The following MYL12A variants were observed in gnomAD, a reference collection of about 807,000 sequenced individuals.
MYL12A encodes myosin regulatory light chain 12A.
Under a neutral mutation model 13.3 loss-of-function variants are expected in MYL12A, and 11 were observed. The observed-to-expected ratio is 0.83, with a 90% CI of 0.52 to 1.37. MYL12A has a LOEUF of 1.37. Ranked by LOEUF, MYL12A falls within the 40% of genes most tolerant of loss-of-function variation. The pLI is 0.00. For synonymous variants in MYL12A, 51 were observed against 69.9 expected, an observed-to-expected ratio of 0.73 and a Z score of 1.35; for missense variants, 146 against 212.3, an observed-to-expected ratio of 0.69 and a Z score of 1.94.
chr18:3,254,528 C>T (rs1357444719), intron 3 of MYL12A, among the ~76,000 whole-genome samples: 3 of 152,226 alleles, frequency 2.0e-5, no homozygotes, highest in Non-Finnish European at 1.5e-5. Flanking sequence ...AATTCCTCTT[C>T]CACATAATAG....
rs1220174812 is a variant in MYL12A at position 3,255,766 on chromosome 18, T to C, written c.364T>C (p.Leu122=). 3 of 1,613,724 alleles carry C rather than the reference T, an allele frequency of 1.9e-6. No homozygotes were observed. Among genetic ancestry groups the C allele is most frequent in the African/African-American group, 1.3e-5 (1 of 74,902 alleles). The change falls in exon 4 of 4, where the codon TTG becomes CTG. Residue 122 remains leucine (L), a synonymous_variant. Coordinates refer to ENST00000217652, the MANE Select transcript of MYL12A (RefSeq NM_006471.4). The part of the protein sequence containing the change: ...EATGTIQEDY[L]RELLTTMGDR... ...TCCAGGCACCATACAGGAAGATTAC[T>C]TGAGAGAGCTGCTGACAACCATGGG...
chr18:3,255,793 G>A lies in MYL12A; in HGVS notation c.391G>A (p.Asp131Asn). The change falls in exon 4 of 4, where the codon GAT (aspartate) becomes AAT (asparagine). Residue 131 changes from aspartate (D) to asparagine (N), a missense_variant. Coordinates refer to ENST00000217652, the MANE Select transcript of MYL12A (RefSeq NM_006471.4). ...GAGAGAGCTGCTGACAACCATGGGG[G>A]ATCGGTTTACAGATGAGGAAGTGGA... Reference protein sequence around the residue: ...YLRELLTTMGDRFTDEEVDEL... With the variant: ...YLRELLTTMGNRFTDEEVDEL... 1 of 1,614,030 alleles carries A rather than the reference G, an allele frequency of 6.2e-7. No homozygotes were observed. The highest frequency in any genetic ancestry group is 8.5e-7 in the Non-Finnish European group (1 of 1,179,982).
chr18:3,249,036 G>GT (rs1434045714), intron 1 of MYL12A, among the ~76,000 whole-genome samples: 1 of 152,104 alleles, frequency 6.6e-6, no homozygotes, highest in Non-Finnish European at 1.5e-5. Context: ...TAAGATGGTG[G>GT]TTTTTTCTTG....
intron 3 of MYL12A, 92 bp downstream of exon 3, chr18:3,254,142 C>T: frequency 7.2e-7 from 1 of 1,390,404 alleles, no homozygotes; most frequent in Non-Finnish European, 9.9e-7. Flanking sequence ...ATAACGCTCT[C>T]AGGTTTGTAC....
intron 1 of MYL12A, chr18:3,248,621 T>C (rs905504748): frequency 2.0e-5 from 3 of 152,246 alleles, no homozygotes; most frequent in Admixed American, 6.5e-5. Flanking sequence ...TAAAGGCGAA[T>C]AAAGCGAATA....
intron 1 of MYL12A, among the ~76,000 whole-genome samples, chr18:3,250,374 A>C (rs1030819919): frequency 1.3e-5 from 2 of 151,662 alleles, no homozygotes; most frequent in African/African-American, 4.8e-5. Context: ...AGAATCAGCA[A>C]AGAGGACCCT....
At chr18:3,253,171 A>G in intron 1 of MYL12A, 62 bp from the exon 2 acceptor site, 1 of 1,510,974 alleles carries the variant, frequency 6.6e-7, no homozygotes, top group South Asian at 1.3e-5. Context: ...CATTGTTTTG[A>G]TTCAAACTTA....
chr18:3,253,178 C>T (rs2144329277), intron 1 of MYL12A, 55 bp from the exon 2 acceptor site: 6 of 1,524,724 alleles, frequency 3.9e-6, no homozygotes, highest in Admixed American at 2.0e-5. Flanking sequence ...TTGATTCAAA[C>T]TTAAGTAATC....
intron 2 of MYL12A, 126 bp downstream of exon 2, chr18:3,253,554 G>T: frequency 1.6e-6 from 2 of 1,214,398 alleles, no homozygotes; most frequent in Non-Finnish European, 2.3e-6. Flanking sequence ...AGTAAAGTGT[G>T]GAACAGTGTT....
chr18:3,253,717 C>A, intron 2 of MYL12A, 172 bp from the exon 3 acceptor site: 1 of 755,052 alleles, frequency 1.3e-6, no homozygotes, highest in South Asian at 2.0e-5. Flanking sequence ...TTTCCAGACT[C>A]TTTAATAGGC....
In MYL12A at chr18:3,255,855, G is replaced by A. The variant is rs1255036925; in HGVS notation, c.453G>A (p.Gly151=). The A allele has an allele frequency of 1.9e-6, 3 of 1,614,014 alleles. No homozygotes were observed. The highest frequency in any genetic ancestry group is 2.5e-6 in the Non-Finnish European group (3 of 1,180,012). ...LYREAPIDKK[G]NFNYIEFTRI... The stretch of plus-strand genomic sequence containing the variant: ...GAGAAGCACCTATTGATAAAAAGGG[G>A]AATTTCAATTACATCGAGTTCACAC... Residue 151 remains glycine (G), a synonymous_variant, in exon 4 of 4, where the codon GGG becomes GGA. Transcript: ENST00000217652.
chr18:3,255,980 C>A lies in MYL12A; in HGVS notation c.*62C>A. The A allele has an allele frequency of 6.4e-7, 1 of 1,570,696 alleles. No homozygotes were observed. Among genetic ancestry groups the A allele is most frequent in the East Asian group, 2.3e-5 (1 of 42,894 alleles). Reference sequence around the variant, plus strand: ...CACTTTGGGTATTCTGAGATTTTCTCTTGCATGCCCTTAGCTTTACAGCTT... The same window carrying A: ...CACTTTGGGTATTCTGAGATTTTCTATTGCATGCCCTTAGCTTTACAGCTT... On this transcript the variant is annotated 3_prime_UTR_variant, in exon 4 of 4. Transcript: ENST00000217652.
Position 3,254,158 on chromosome 18 carries a change from C to T in MYL12A, c.343+108C>T, listed in dbSNP as rs145499570. 5.4e-5 allele frequency: 69 copies of T among 1,273,464 alleles called. No homozygotes were observed. The East Asian group carries it at 1.8e-3, about 33-fold the overall frequency. 78.9% of individuals were successfully genotyped at this position (1,273,464 alleles called of 1,614,324 possible). ...TAACGCTCTCAGGTTTGTACTACAC[C>T]TATTTTTTTAGACAGAGTTCTCTTG... On this transcript the variant is annotated intron_variant, in intron 3 of 3. Transcript: ENST00000217652.
At chr18:3,254,082 G>C (rs374896090) in intron 3 of MYL12A, 32 bp downstream of exon 3, 36 of 1,596,362 alleles carry the variant, frequency 2.3e-5, no homozygotes, top group Non-Finnish European at 2.3e-5. Context: ...ATTATAAAGT[G>C]ATTTAATTTT....
At chr18:3,248,938 A>C (rs1465858574) in intron 1 of MYL12A, among the ~76,000 whole-genome samples, 1 of 151,570 alleles carries the variant, frequency 6.6e-6, no homozygotes, top group Admixed American at 6.6e-5. Context: ...TTTTTTTTTA[A>C]GTGCATTGAT....
chr18:3,252,135 C>G (rs2081492033), intron 1 of MYL12A: 2 of 477,804 alleles, frequency 4.2e-6, no homozygotes, highest in South Asian at 9.2e-5. Context: ...AGACCAATGG[C>G]ATAGTGTTTT....
chr18:3,255,544 G>A (rs2081527932), intron 3 of MYL12A: 7 of 520,480 alleles, frequency 1.3e-5, no homozygotes, highest in South Asian at 3.5e-5. Context: ...ATGATAGAGC[G>A]GAGCAGTGCT....
At chr18:3,250,668 A>G (rs2081475943) in intron 1 of MYL12A, among the ~76,000 whole-genome samples, 1 of 152,206 alleles carries the variant, frequency 6.6e-6, no homozygotes, top group Non-Finnish European at 1.5e-5. Context: ...AACTACCTTA[A>G]TTTGTTAGAA....
chr18:3,252,762 G>T (rs2081498600), intron 1 of MYL12A, among the ~76,000 whole-genome samples: 1 of 152,162 alleles, frequency 6.6e-6, no homozygotes, highest in African/African-American at 2.4e-5. Context: ...AATGTTAGTT[G>T]AAAGTGAAAG....
Sources: gnomAD v4.1 joint callset for allele counts (sites outside exome capture counted in the v4.1 genomes callset) on GRCh38, gnomAD v4.1.1 for gene constraint, MANE v1.5 for transcripts, NCBI Gene and HGNC (gene_info 2026-07-23, HGNC 2026-07-21) for gene names.